The following OTOGL variants were observed in gnomAD, a reference collection of about 807,000 sequenced individuals.
The protein encoded by OTOGL is otogelin-like protein.
Under a neutral mutation model 318.5 loss-of-function variants are expected in OTOGL, and 285 were observed. The ratio of observed to expected loss-of-function variants is 0.89; its 90% CI spans 0.81 to 0.99. The LOEUF (loss-of-function observed/expected upper bound fraction) is 0.99. Among genes scored for constraint, OTOGL ranks in the 50% least tolerant of loss-of-function variants. OTOGL has a pLI of 0.00. For synonymous variants in OTOGL, 987 were observed against 936.5 expected (o/e 1.05, Z -0.99); for missense variants, 2,899 against 2,845.6 (o/e 1.02, Z -0.43).
At chr12:80,364,620 C>T (rs540621633) in intron 52 of OTOGL, among the ~76,000 whole-genome samples, 3 of 152,030 alleles carry the variant, frequency 2.0e-5, no homozygotes, top group Non-Finnish European at 4.4e-5. Flanking sequence ...CTTTCTGTCT[C>T]TCCATGTATT....
In OTOGL at chr12:80,257,981, G is replaced by A. The variant is rs1882211812; in HGVS notation, c.1868G>A (p.Gly623Asp). The A allele has an allele frequency of 1.3e-6, 2 of 1,586,712 alleles. No homozygotes were observed. Among genetic ancestry groups the A allele is most frequent in the South Asian group, 1.1e-5 (1 of 88,416 alleles). ...TTAGGTCTGTGTGGCACTTTTAATG[G>A]CAACATAAGGGATGATTTTCTGTAA... ...RTLGLCGTFN[G>D]NIRDDFLSPS... The change falls in exon 18 of 59, where the codon GGC (glycine) becomes GAC (aspartate). Residue 623 changes from glycine (G) to aspartate (D), a missense_variant. This residue lies in a region of OTOGL where 2,607 missense variants were observed against 2,524.9 expected (regional missense o/e 1.03). Coordinates refer to ENST00000547103, the MANE Select transcript of OTOGL (RefSeq NM_001378609.3).
At chr12:80,156,643 A>G (rs868560676) in intron 1 of OTOGL, among the ~76,000 whole-genome samples, 1 of 152,168 alleles carries the variant, frequency 6.6e-6, no homozygotes, top group Non-Finnish European at 1.5e-5. Flanking sequence ...TGATCATTTT[A>G]TAACGAGGAG....
intron 52 of OTOGL, among the ~76,000 whole-genome samples, chr12:80,364,912 T>C (rs1447207729): frequency 6.6e-6 from 1 of 152,026 alleles, no homozygotes; most frequent in Non-Finnish European, 1.5e-5. Context: ...ATCAGAACTA[T>C]AGTGAGATAC....
intron 1 of OTOGL, among the ~76,000 whole-genome samples, chr12:80,109,739 A>C (rs1470630826): frequency 3.3e-5 from 5 of 152,228 alleles, no homozygotes; most frequent in Non-Finnish European, 7.3e-5. Flanking sequence ...CTAGAAGGAT[A>C]ACTGGAATAG....
chr12:80,104,769 C>T (rs1869355452), intron 1 of OTOGL, among the ~76,000 whole-genome samples: 1 of 152,080 alleles, frequency 6.6e-6, no homozygotes, highest in South Asian at 2.1e-4. Context: ...CTGGTAAATT[C>T]ATAATTTTTA....
intron 5 of OTOGL, among the ~76,000 whole-genome samples, chr12:80,218,674 G>A (rs1278452989): frequency 6.6e-6 from 1 of 151,452 alleles, no homozygotes; most frequent in Non-Finnish European, 1.5e-5. Context: ...AACATAATCT[G>A]TTGGAACAAT....
chr12:80,128,148 G>GT (rs1289268588), intron 1 of OTOGL, among the ~76,000 whole-genome samples: 3 of 152,184 alleles, frequency 2.0e-5, no homozygotes, highest in Non-Finnish European at 4.4e-5. Context: ...TTTCTGCTCT[G>GT]TTTTTTCCCC....
chr12:80,294,866 C>T (rs548506682), intron 26 of OTOGL, among the ~76,000 whole-genome samples: 2 of 152,252 alleles, frequency 1.3e-5, no homozygotes, highest in African/African-American at 4.8e-5. Context: ...ATGAATGGCT[C>T]GCTTGAGCCC....
At chr12:80,229,413 C>T in intron 8 of OTOGL, 35 bp downstream of exon 8, 1 of 1,566,696 alleles carries the variant, frequency 6.4e-7, no homozygotes, top group Non-Finnish European at 8.7e-7. Flanking sequence ...GTCAGTAACA[C>T]CACAAATTAA....
At position 80,296,845 on chromosome 12, in the gene OTOGL, A is replaced by G. The variant is rs760260138; in HGVS notation, c.2947A>G (p.Ile983Val). 3.0e-5 allele frequency: 46 copies of G among 1,512,858 alleles called. No homozygotes were observed. In the South Asian group the frequency reaches 5.4e-4, roughly 18 times the overall value. 93.7% of individuals were successfully genotyped at this position (1,512,858 alleles called of 1,614,324 possible). A position where few individuals can be genotyped will look rare whatever the true frequency, so the allele number is the denominator to read the frequency against. The part of the protein sequence containing the change: ...FLIKSADDSD[I>V]SVIAQNKKCF... Reference sequence around the variant, plus strand: ...ATTTCAGAGTGCAGATGATTCAGATATATCTGTCATTGCCCAGAACAAGAA... The same window carrying G: ...ATTTCAGAGTGCAGATGATTCAGATGTATCTGTCATTGCCCAGAACAAGAA... The change falls in exon 27 of 59, where the codon ATA becomes GTA. Residue 983 changes from isoleucine to valine, a missense_variant. By Grantham distance (29) the Ile-to-Val change is conservative. Around this residue, in one of 3 missense-constraint regions of OTOGL, gnomAD observed 2,607 missense variants for 2,524.9 expected, o/e 1.03. Coordinates refer to ENST00000547103, the MANE Select transcript of OTOGL (RefSeq NM_001378609.3).
At chr12:80,326,395 G>T in intron 35 of OTOGL, among the ~76,000 whole-genome samples, 1 of 152,096 alleles carries the variant, frequency 6.6e-6, no homozygotes. Flanking sequence ...TCAGTTAGAA[G>T]TTGAGTAGAA....
At chr12:80,290,116 G>T (rs1272687075) in intron 26 of OTOGL, among the ~76,000 whole-genome samples, 1 of 152,182 alleles carries the variant, frequency 6.6e-6, no homozygotes. Flanking sequence ...GCCCTTCATG[G>T]CTTCCCTTGG....
chr12:80,205,348 G>A (rs139384493), intron 1 of OTOGL, among the ~76,000 whole-genome samples: 2 of 152,108 alleles, frequency 1.3e-5, no homozygotes, highest in African/African-American at 4.8e-5. Context: ...CAAATCAACG[G>A]CATCACAGCA....
intron 1 of OTOGL, among the ~76,000 whole-genome samples, chr12:80,183,571 A>G (rs951861983): frequency 6.6e-6 from 1 of 152,210 alleles, no homozygotes; most frequent in Admixed American, 6.5e-5. Context: ...AGGCAATTAA[A>G]TGTGTTGATC....
intron 1 of OTOGL, among the ~76,000 whole-genome samples, chr12:80,107,294 C>T (rs984713615): frequency 3.3e-5 from 5 of 152,122 alleles, no homozygotes; most frequent in African/African-American, 9.7e-5. Flanking sequence ...CAAAAGAAGG[C>T]ATACATGTGG....
At chr12:80,203,865 C>T (rs35873270) in intron 1 of OTOGL, among the ~76,000 whole-genome samples, 1,797 of 152,126 alleles carry the variant, frequency 0.012, 38 homozygotes, top group African/African-American at 0.04. Flanking sequence ...TATGAGATGC[C>T]GTGAAGGATG....
At chr12:80,118,864 G>GTT (rs57197692) in intron 1 of OTOGL, among the ~76,000 whole-genome samples, 80 of 130,568 alleles carry the variant, frequency 6.1e-4, no homozygotes, top group African/African-American at 1.6e-3. Context: ...TCTTAGATCT[G>GTT]TTTTTTTTTT....
At chr12:80,301,872 A>G (rs1885788042) in intron 27 of OTOGL, among the ~76,000 whole-genome samples, 1 of 152,186 alleles carries the variant, frequency 6.6e-6, no homozygotes, top group Non-Finnish European at 1.5e-5. Flanking sequence ...TTACTCACAA[A>G]TTTAATGCCT....
chr12:80,149,914 A>G (rs1340412130), intron 1 of OTOGL, among the ~76,000 whole-genome samples: 5 of 151,888 alleles, frequency 3.3e-5, no homozygotes, highest in Admixed American at 6.5e-5. Context: ...GCTTCGGCTC[A>G]TGCACGGTGC....
Sources: gnomAD v4.1 joint callset for allele counts (sites outside exome capture counted in the v4.1 genomes callset) on GRCh38, gnomAD v4.1.1 for gene constraint, gnomAD v4.1.1 regional missense constraint, MANE v1.5 for transcripts, NCBI Gene and HGNC (gene_info 2026-07-23, HGNC 2026-07-21) for gene names.